The following ATP8A2 variants were observed in gnomAD, a reference collection of about 807,000 sequenced individuals.
ATP8A2 encodes ATPase phospholipid transporting 8A2.
In ATP8A2, 100 loss-of-function variants were observed where a neutral mutation model predicts 165.6. The ratio of observed to expected loss-of-function variants is 0.60; its 90% confidence interval spans 0.51 to 0.71. The LOEUF is 0.71. Ranked by LOEUF, ATP8A2 falls within the 30% of genes least tolerant of loss-of-function variation. ATP8A2 has a pLI of 0.00. For missense variants in ATP8A2, 1,227 were observed against 1,479.5 expected, an observed-to-expected ratio of 0.83 and a Z score of 2.80; for synonymous variants, 543 against 548.8, an observed-to-expected ratio of 0.99 and a Z score of 0.15.
At chr13:25,604,931 A>G (rs1044646405) in intron 24 of ATP8A2, among the ~76,000 whole-genome samples, 1 of 152,228 alleles carries the variant, frequency 6.6e-6, no homozygotes, top group African/African-American at 2.4e-5. Context: ...AGAGACAGGC[A>G]TGCATCATCT....
chr13:25,549,533 T>G (rs2038755760), intron 10 of ATP8A2, among the ~76,000 whole-genome samples: 1 of 151,080 alleles, frequency 6.6e-6, no homozygotes, highest in Admixed American at 6.6e-5. Context: ...TGTGTGAGCC[T>G]CTCCCTGTCC....
intron 2 of ATP8A2, among the ~76,000 whole-genome samples, chr13:25,486,138 G>T (rs1291723223): frequency 6.6e-6 from 1 of 152,078 alleles, no homozygotes; most frequent in Non-Finnish European, 1.5e-5. Flanking sequence ...TAGTTTTATG[G>T]TCCCTTTGCT....
intron 35 of ATP8A2, among the ~76,000 whole-genome samples, chr13:25,997,525 C>T (rs902051112): frequency 5.3e-5 from 8 of 152,090 alleles, no homozygotes; most frequent in Non-Finnish European, 8.8e-5. Flanking sequence ...TTAGCCCTGC[C>T]GTATTTCTCC....
intron 1 of ATP8A2, among the ~76,000 whole-genome samples, chr13:25,428,957 C>G (rs1443420133): frequency 6.6e-6 from 1 of 152,130 alleles, no homozygotes; most frequent in African/African-American, 2.4e-5. Flanking sequence ...GAAATGCCCC[C>G]CAGCTAGGCA....
chr13:25,396,184 C>T (rs1398594783), intron 1 of ATP8A2, among the ~76,000 whole-genome samples: 1 of 152,148 alleles, frequency 6.6e-6, no homozygotes, highest in Non-Finnish European at 1.5e-5. Flanking sequence ...CCCAGCAAGG[C>T]CTGCCTGTCT....
intron 33 of ATP8A2, among the ~76,000 whole-genome samples, chr13:25,960,590 C>A (rs186704631): frequency 2.6e-5 from 4 of 152,258 alleles, no homozygotes; most frequent in Middle Eastern, 3.4e-3. Context: ...GGTGGCCCAC[C>A]CTTGTAGGCC....
intron 24 of ATP8A2, among the ~76,000 whole-genome samples, chr13:25,603,737 C>T (rs1352578432): frequency 6.6e-6 from 1 of 152,008 alleles, no homozygotes; most frequent in Non-Finnish European, 1.5e-5. Flanking sequence ...GGTTAAGACC[C>T]GAGGGGTTTG....
chr13:25,919,470 TGAG>T (rs1284354972), intron 33 of ATP8A2, among the ~76,000 whole-genome samples: 2 of 152,190 alleles, frequency 1.3e-5, no homozygotes, highest in East Asian at 3.9e-4. Flanking sequence ...ATCTTTCTGC[TGAG>T]GAGGGCTGTC....
At chr13:25,931,991 C>T (rs1196852356) in intron 33 of ATP8A2, among the ~76,000 whole-genome samples, 4 of 148,876 alleles carry the variant, frequency 2.7e-5, no homozygotes, top group African/African-American at 1.0e-4. Flanking sequence ...TAGGTTGCAG[C>T]AAGCCGAGAT....
intron 33 of ATP8A2, among the ~76,000 whole-genome samples, chr13:25,889,273 T>TATATAA (rs1359317042): frequency 7.1e-6 from 1 of 141,184 alleles, no homozygotes; most frequent in African/African-American, 2.5e-5. Flanking sequence ...TATATATATA[T>TATATAA]AAAATTTAAA....
chr13:25,622,205 C>CAAAA (rs66680708), intron 24 of ATP8A2, among the ~76,000 whole-genome samples: 2 of 124,904 alleles, frequency 1.6e-5, no homozygotes, highest in Admixed American at 8.1e-5. Flanking sequence ...GACTCTGTCT[C>CAAAA]AAAAAAAAAA....
At chr13:25,511,074 A>G (rs1342223592) in intron 2 of ATP8A2, among the ~76,000 whole-genome samples, 7 of 152,174 alleles carry the variant, frequency 4.6e-5, no homozygotes. Context: ...TTTTCTCTAC[A>G]TTGTGAAATA....
intron 20 of ATP8A2, 23 bp from the exon 21 acceptor site, chr13:25,578,792 C>T: frequency 7.2e-7 from 1 of 1,382,782 alleles, no homozygotes; most frequent in Non-Finnish European, 1.0e-6. Context: ...CTTTGCCAGT[C>T]ACAATGTTTC....
chr13:25,381,123 A>G lies in ATP8A2; in HGVS notation c.76+8835A>G, dbSNP rs560102682. On this transcript the variant is annotated intron_variant, in intron 1 of 36. Coordinates refer to ENST00000381655, the MANE Select transcript of ATP8A2 (RefSeq NM_016529.6). The stretch of plus-strand genomic sequence containing the variant: ...TTAGTATGGTCTGATATTATCAGTC[A>G]GTATTTATGGAGAGGATCTTCAACA... Among the ~76,000 whole-genome samples the G allele has an allele frequency of 6.6e-5, 10 of 152,240 alleles. No individual in the cohort carries two copies. The South Asian group carries it at 2.1e-3, about 32-fold the overall frequency.
At chr13:25,914,798 G>C (rs1954220257) in intron 33 of ATP8A2, among the ~76,000 whole-genome samples, 3 of 152,312 alleles carry the variant, frequency 2.0e-5, no homozygotes, top group East Asian at 1.9e-4. Context: ...TGGGGCTTCT[G>C]TCTGCCCGCC....
At chr13:25,500,069 T>G (rs1181241625) in intron 2 of ATP8A2, among the ~76,000 whole-genome samples, 5 of 151,810 alleles carry the variant, frequency 3.3e-5, no homozygotes, top group East Asian at 3.9e-4. Flanking sequence ...GGGGGAAGAG[T>G]AGATTATTTC....
At chr13:25,799,782 A>G (rs992370895) in intron 27 of ATP8A2, among the ~76,000 whole-genome samples, 11 of 152,230 alleles carry the variant, frequency 7.2e-5, no homozygotes, top group Admixed American at 1.3e-4. Context: ...ATGGCAGATG[A>G]AGCTGCCGTA....
chr13:25,961,018 T>C (rs994672026), intron 33 of ATP8A2, among the ~76,000 whole-genome samples: 5 of 152,252 alleles, frequency 3.3e-5, no homozygotes, highest in African/African-American at 1.2e-4. Flanking sequence ...TTTATATTCG[T>C]GATATATACC....
chr13:25,668,195 T>C (rs1352877228), intron 24 of ATP8A2, among the ~76,000 whole-genome samples: 2 of 152,202 alleles, frequency 1.3e-5, no homozygotes, highest in East Asian at 1.9e-4. Context: ...GCCTGAAGTA[T>C]TTCTCTTTAG....
Sources: allele counts gnomAD v4.1 joint callset (sites outside exome capture counted in the v4.1 genomes callset), GRCh38; gene constraint gnomAD v4.1.1; transcripts MANE v1.5; gene names NCBI Gene and HGNC (gene_info 2026-07-23, HGNC 2026-07-21).